PTPRD: variants seen among roughly 807,000 people sequenced by gnomAD.
The protein encoded by PTPRD is protein tyrosine phosphatase receptor type D.
Under a neutral mutation model 214.5 loss-of-function variants are expected in PTPRD, and 34 were observed. That is an observed-to-expected ratio of 0.16 (90% confidence interval 0.12 to 0.21). The LOEUF (loss-of-function observed/expected upper bound fraction) is 0.21, where lower values mean the gene tolerates loss of function less well. PTPRD is among the 10% of genes least tolerant of loss of function. PTPRD has a pLI of 1.00. For synonymous variants in PTPRD, 1,128 were observed against 845.7 expected (o/e 1.33, Z -5.79); for missense variants, 2,545 against 2,398.7 (o/e 1.06, Z -1.27).
chr9:10,259,624 G>C (rs1245432254), intron 3 of PTPRD, among the ~76,000 whole-genome samples: 1 of 152,052 alleles, frequency 6.6e-6, no homozygotes, highest in Non-Finnish European at 1.5e-5. Context: ...AATTCACACA[G>C]TTTTTCTATA....
At chr9:8,548,372 TTTG>T (rs2080921666) in intron 14 of PTPRD, among the ~76,000 whole-genome samples, 1 of 151,896 alleles carries the variant, frequency 6.6e-6, no homozygotes, top group South Asian at 2.1e-4. Context: ...CAGCTGGAAT[TTTG>T]TTTTTTTTTT....
At chr9:10,363,043 C>A (rs2146839) in intron 2 of PTPRD, among the ~76,000 whole-genome samples, 1 of 152,016 alleles carries the variant, frequency 6.6e-6, no homozygotes, top group East Asian at 1.9e-4. Context: ...CAGTGAAGTA[C>A]AGCTGGAAAG....
intron 34 of PTPRD, among the ~76,000 whole-genome samples, chr9:8,443,128 G>A (rs904451073): frequency 2.9e-4 from 44 of 152,204 alleles, no homozygotes; most frequent in African/African-American, 1.0e-3. Context: ...CTGGACAACA[G>A]AGCAAGATCC....
intron 9 of PTPRD, among the ~76,000 whole-genome samples, chr9:9,300,803 G>A (rs1954974625): frequency 1.3e-5 from 2 of 151,666 alleles, no homozygotes; most frequent in African/African-American, 4.8e-5. Flanking sequence ...TACAATTTAT[G>A]GTATTTTGTT....
chr9:9,107,156 A>G (rs1315261701), intron 10 of PTPRD, among the ~76,000 whole-genome samples: 3 of 152,138 alleles, frequency 2.0e-5, no homozygotes, highest in African/African-American at 7.2e-5. Flanking sequence ...GTAGGAATAG[A>G]GTGTAAGAAT....
At chr9:9,132,289 G>A (rs1358387711) in intron 10 of PTPRD, among the ~76,000 whole-genome samples, 3 of 152,232 alleles carry the variant, frequency 2.0e-5, no homozygotes, top group South Asian at 2.1e-4. Flanking sequence ...GATTACAGGC[G>A]TGAGCCACCA....
At chr9:10,350,551 CA>C (rs1408274494) in intron 2 of PTPRD, among the ~76,000 whole-genome samples, 1 of 152,006 alleles carries the variant, frequency 6.6e-6, no homozygotes, top group Non-Finnish European at 1.5e-5. Context: ...TTACAATATA[CA>C]AAACATATTG....
At chr9:8,321,614 C>G (rs571655637) in intron 44 of PTPRD, among the ~76,000 whole-genome samples, 8 of 149,720 alleles carry the variant, frequency 5.3e-5, no homozygotes, top group Admixed American at 1.3e-4. Context: ...AACAGGCACA[C>G]ATAACACATT....
At chr9:9,114,602 G>A (rs1042862495) in intron 10 of PTPRD, among the ~76,000 whole-genome samples, 1 of 152,084 alleles carries the variant, frequency 6.6e-6, no homozygotes, top group African/African-American at 2.4e-5. Flanking sequence ...TCATTCCTGG[G>A]GACTTTATGG....
intron 3 of PTPRD, among the ~76,000 whole-genome samples, chr9:10,200,067 A>T (rs1047275032): frequency 6.6e-6 from 1 of 152,164 alleles, no homozygotes; most frequent in South Asian, 2.1e-4. Context: ...AAAATTTTAT[A>T]TCATGTAATA....
intron 7 of PTPRD, among the ~76,000 whole-genome samples, chr9:9,669,709 A>C (rs1244391556): frequency 1.3e-5 from 2 of 152,170 alleles, no homozygotes; most frequent in Non-Finnish European, 2.9e-5. Context: ...GGCCAGTTTG[A>C]ATAACTTCAT....
At chr9:10,110,654 A>G (rs1003478547) in intron 3 of PTPRD, among the ~76,000 whole-genome samples, 3 of 152,240 alleles carry the variant, frequency 2.0e-5, no homozygotes, top group African/African-American at 4.8e-5. Flanking sequence ...GTTAAAGGCT[A>G]TATCTTGCCA....
At chr9:10,198,877 T>G (rs1243685770) in intron 3 of PTPRD, among the ~76,000 whole-genome samples, 3 of 152,132 alleles carry the variant, frequency 2.0e-5, no homozygotes, top group Non-Finnish European at 4.4e-5. Flanking sequence ...GTATACAAGT[T>G]GACAATAAAA....
Position 9,050,879 on chromosome 9 carries a change from T to C in PTPRD, c.-142-32144A>G, listed in dbSNP as rs192378829. 2.0e-5 allele frequency among the ~76,000 whole-genome samples: 3 copies of C among 152,280 alleles called. No homozygotes were observed. The East Asian group carries it at 5.8e-4, about 29-fold the overall frequency. ...AAGCTTAATCCTAGGTATATATGTA[T>C]AGGAAAAAACACAATAGATATAGGG... On this transcript the variant is annotated intron_variant, in intron 10 of 45. Transcript: ENST00000381196.
At chr9:8,362,578 G>A (rs2078777476) in intron 39 of PTPRD, among the ~76,000 whole-genome samples, 2 of 152,188 alleles carry the variant, frequency 1.3e-5, no homozygotes, top group Admixed American at 1.3e-4. Flanking sequence ...CAAAGTGAGA[G>A]TTTAGGATGT....
At chr9:10,549,483 G>A (rs1248012822) in intron 2 of PTPRD, among the ~76,000 whole-genome samples, 5 of 152,190 alleles carry the variant, frequency 3.3e-5, no homozygotes, top group African/African-American at 9.6e-5. Context: ...CTATGCTACA[G>A]GATGAAGGTA....
chr9:8,465,088 T>C (rs1036513869), intron 32 of PTPRD, among the ~76,000 whole-genome samples: 1 of 151,938 alleles, frequency 6.6e-6, no homozygotes, highest in Non-Finnish European at 1.5e-5. Flanking sequence ...GTCAACCAGG[T>C]ATTATGCAAC....
At chr9:9,460,153 G>T (rs1170759470) in intron 8 of PTPRD, among the ~76,000 whole-genome samples, 1 of 151,886 alleles carries the variant, frequency 6.6e-6, no homozygotes, top group Admixed American at 6.6e-5. Flanking sequence ...ATGAAGAAAA[G>T]TGAAATGACC....
At chr9:9,339,863 A>G (rs1317539754) in intron 9 of PTPRD, among the ~76,000 whole-genome samples, 1 of 152,188 alleles carries the variant, frequency 6.6e-6, no homozygotes, top group East Asian at 1.9e-4. Flanking sequence ...TGGATATAAT[A>G]ACACCATTGG....
Sources: allele counts gnomAD v4.1 joint callset (sites outside exome capture counted in the v4.1 genomes callset), GRCh38; gene constraint gnomAD v4.1.1; transcripts MANE v1.5; gene names NCBI Gene and HGNC (gene_info 2026-07-23, HGNC 2026-07-21).